OTUD3: variants seen among roughly 807,000 people sequenced by gnomAD.
OTUD3 encodes OTU deubiquitinase 3, also known as OTU domain-containing protein 3.
A neutral mutation model predicts 46.2 loss-of-function variants in OTUD3; 24 were observed. The observed-to-expected ratio is 0.52, with a 90% CI of 0.38 to 0.73. OTUD3 has a LOEUF of 0.73. Among genes scored for constraint, OTUD3 ranks in the 30% least tolerant of loss-of-function variants. The pLI, the probability that OTUD3 is intolerant of heterozygous loss-of-function variation, is 0.00. For missense variants in OTUD3, 455 were observed against 523.3 expected (o/e 0.87, Z 1.27); for synonymous variants, 189 against 195.4 (o/e 0.97, Z 0.27).
chr1:19,891,737 A>C (rs2045449488), intron 2 of OTUD3, among the ~76,000 whole-genome samples: 1 of 152,220 alleles, frequency 6.6e-6, no homozygotes, highest in African/African-American at 2.4e-5. Flanking sequence ...GTGATCCCAA[A>C]GTGTTTCCCA....
rs2045279894 is a variant in OTUD3 at position 19,882,452 on chromosome 1, A to T, written c.-62A>T. 6 of 1,320,482 alleles carry T rather than the reference A, an allele frequency of 4.5e-6. No homozygotes were observed. The highest frequency in any genetic ancestry group is 2.1e-5 in the South Asian group (1 of 46,806). The allele number at this position is 1,320,482 out of a possible 1,614,324, so 81.8% of individuals were successfully genotyped here. A position where few individuals can be genotyped will look rare whatever the true frequency, so the allele number is the denominator to read the frequency against. On this transcript the variant is annotated 5_prime_UTR_variant, in exon 1 of 8. Transcript: ENST00000375120. Reference sequence around the variant, plus strand: ...CGCTGTTTTACCTTCCCAACGCTTGAGGCGGACGCTGGGGGGTCCTGCGCC... The same window carrying T: ...CGCTGTTTTACCTTCCCAACGCTTGTGGCGGACGCTGGGGGGTCCTGCGCC...
chr1:19,890,312 C>A, intron 1 of OTUD3, 73 bp from the exon 2 acceptor site: 1 of 1,384,076 alleles, frequency 7.2e-7, no homozygotes, highest in Non-Finnish European at 1.0e-6. Context: ...GATGATCTGG[C>A]ATGAAGCATC....
At chr1:19,897,168 C>G (rs117799490) in intron 3 of OTUD3, among the ~76,000 whole-genome samples, 2 of 151,962 alleles carry the variant, frequency 1.3e-5, no homozygotes, top group Non-Finnish European at 2.9e-5. Flanking sequence ...ATAGTTAGGG[C>G]TTCAAGCTCA....
chr1:19,897,142 CA>C (rs2045527930), intron 3 of OTUD3, among the ~76,000 whole-genome samples: 2 of 151,354 alleles, frequency 1.3e-5, no homozygotes, highest in Non-Finnish European at 2.9e-5. Flanking sequence ...TTTTTTTCCT[CA>C]AAGAGAGCCT....
rs2045702439 is a variant in OTUD3 at position 19,909,094 on chromosome 1, A to G, written c.*1348A>G. 1.3e-5 allele frequency: 2 copies of G among 152,376 alleles called. No homozygotes were observed. The highest frequency in any genetic ancestry group is 2.9e-5 in the Non-Finnish European group (2 of 68,042). 9.4% of individuals were successfully genotyped at this position (152,376 alleles called of 1,614,324 possible). On this transcript the variant is annotated 3_prime_UTR_variant, in exon 8 of 8. Transcript: ENST00000375120. ...GTCTTTTGGGACCTAATACTTGGGC[A>G]AATAATTGATGCTGAGTTGAAAGGT...
intron 6 of OTUD3, among the ~76,000 whole-genome samples, 180 bp downstream of exon 6, chr1:19,905,167 G>T (rs1001989862): frequency 1.3e-5 from 2 of 152,106 alleles, no homozygotes; most frequent in African/African-American, 4.8e-5. Context: ...TTCAGGGGGA[G>T]TATAGTTCAG....
In OTUD3 at chr1:19,887,209, T is replaced by G. The variant is rs540731868; in HGVS notation, c.222-3176T>G. Among the ~76,000 whole-genome samples, 527 of 152,046 alleles carry G rather than the reference T, an allele frequency of 3.5e-3. 5 individuals carry two copies. The highest frequency in any genetic ancestry group is 0.014 in the Middle Eastern group (4 of 294). On this transcript the variant is annotated intron_variant, in intron 1 of 7. Transcript: ENST00000375120. ...AAGCGATTCTCCTGCCTCGGCCTCC[T>G]GTGTAGCTGGGATTACAGGCATGCG...
rs2045721740 is a variant in OTUD3 at position 19,910,575 on chromosome 1, C to G, written c.*2829C>G. 1 of 152,314 alleles carries G rather than the reference C, an allele frequency of 6.6e-6. No homozygotes were observed. Among genetic ancestry groups the G allele is most frequent in the South Asian group, 2.1e-4 (1 of 4,820 alleles). 9.4% of individuals were successfully genotyped at this position (152,314 alleles called of 1,614,324 possible). A position where few individuals can be genotyped will look rare whatever the true frequency, so the allele number is the denominator to read the frequency against. On this transcript the variant is annotated 3_prime_UTR_variant, in exon 8 of 8. Transcript: ENST00000375120. ...TTCAATAATAATGAACATACACTTT[C>G]AGGAGCAAAGTATGGTTGAGAAATT... is the stretch of plus-strand genomic sequence containing the variant.
chr1:19,887,809 AACTAGAATGGT>A (rs149215967), intron 1 of OTUD3, among the ~76,000 whole-genome samples: 1 of 152,320 alleles, frequency 6.6e-6, no homozygotes, highest in East Asian at 1.9e-4. Flanking sequence ...AAAATACAGT[AACTAGAATGGT>A]ACCCAGTACC....
At chr1:19,890,890 TTTTG>T (rs533481057) in intron 2 of OTUD3, among the ~76,000 whole-genome samples, 282 of 152,340 alleles carry the variant, frequency 1.9e-3, no homozygotes, top group Admixed American at 4.3e-3. Context: ...GATACTAACA[TTTTG>T]TTTGTTAATT....
At chr1:19,892,469 G>A (rs532938762) in intron 2 of OTUD3, among the ~76,000 whole-genome samples, 215 of 152,246 alleles carry the variant, frequency 1.4e-3, no homozygotes, top group Middle Eastern at 0.014. Context: ...TAAATGAATG[G>A]TTCACTATAC....
chr1:19,895,021 C>T (rs1049313024), intron 3 of OTUD3, among the ~76,000 whole-genome samples: 2 of 152,138 alleles, frequency 1.3e-5, no homozygotes, highest in African/African-American at 4.8e-5. Context: ...GAGGTTATTG[C>T]TGTTAATGTT....
intron 5 of OTUD3, 114 bp downstream of exon 5, chr1:19,904,512 G>T (rs2045632247): frequency 1.1e-6 from 1 of 900,196 alleles, no homozygotes; most frequent in South Asian, 1.7e-5. Flanking sequence ...GCCAAAATAG[G>T]CCCATGAGAT....
At chr1:19,888,067 G>C (rs2045394221) in intron 1 of OTUD3, among the ~76,000 whole-genome samples, 1 of 152,196 alleles carries the variant, frequency 6.6e-6, no homozygotes, top group Non-Finnish European at 1.5e-5. Flanking sequence ...AAGCAGGGAT[G>C]ATTTTGCCCT....
rs1168740408 is a variant in OTUD3, at chr1:19,912,191, T to G, written c.*4445T>G. On this transcript the variant is annotated 3_prime_UTR_variant, in exon 8 of 8. Coordinates refer to ENST00000375120, the MANE Select transcript of OTUD3 (RefSeq NM_015207.2). ...GCCAGTCCTTGCGGCTGGCGGCGAT[T>G]GCCGGACAGACTCTCTGTGGCCTGG... The G allele has an allele frequency of 6.6e-6, 1 of 152,380 alleles. No homozygotes were observed. Among genetic ancestry groups the G allele is most frequent in the Non-Finnish European group, 1.5e-5 (1 of 68,066 alleles). 9.4% of individuals were successfully genotyped at this position (152,380 alleles called of 1,614,324 possible). A position where few individuals can be genotyped will look rare whatever the true frequency, so the allele number is the denominator to read the frequency against.
intron 4 of OTUD3, among the ~76,000 whole-genome samples, chr1:19,898,203 C>T (rs1036390710): frequency 2.6e-5 from 4 of 151,944 alleles, no homozygotes; most frequent in Non-Finnish European, 4.4e-5. Context: ...CCACCTTGGC[C>T]TCCCAAACTG....
chr1:19,912,841 G>T lies in OTUD3; in HGVS notation c.*5095G>T, dbSNP rs566510886. The T allele has an allele frequency of 2.0e-5, 3 of 152,166 alleles. No homozygotes were observed. The highest frequency in any genetic ancestry group is 2.1e-4 in the South Asian group (1 of 4,814). The allele number at this position is 152,166 out of a possible 1,614,324, so 9.4% of individuals were successfully genotyped here. On this transcript the variant is annotated 3_prime_UTR_variant, in exon 8 of 8. Coordinates refer to ENST00000375120, the MANE Select transcript of OTUD3 (RefSeq NM_015207.2). ...TTCAAAACCAAATGTTTCTTTTTTT[G>T]TGTTTTTAATCTTCGATACTTGGTG...
In OTUD3 at chr1:19,902,419, A is replaced by T. The variant is rs184572551; in HGVS notation, c.607-1848A>T. 2.2e-4 allele frequency among the ~76,000 whole-genome samples: 34 copies of T among 152,196 alleles called. No individual in the cohort carries two copies. In the East Asian group the frequency reaches 6.0e-3, roughly 27 times the overall value. ...ACAGGGTTTCATCGTGTTAGCCAGG[A>T]TGGTCTCGATCTCCTGACCTCGTGA... is the stretch of plus-strand genomic sequence containing the variant. On this transcript the variant is annotated intron_variant, in intron 4 of 7. Coordinates refer to ENST00000375120, the MANE Select transcript of OTUD3 (RefSeq NM_015207.2).
At chr1:19,887,322 G>A (rs1321555347) in intron 1 of OTUD3, among the ~76,000 whole-genome samples, 5 of 152,154 alleles carry the variant, frequency 3.3e-5, no homozygotes, top group African/African-American at 1.2e-4. Context: ...GACCTCAGGT[G>A]ATCCGCCTGC....
Sources: allele counts gnomAD v4.1 joint callset (sites outside exome capture counted in the v4.1 genomes callset), GRCh38; gene constraint gnomAD v4.1.1; transcripts MANE v1.5; gene names NCBI Gene and HGNC (gene_info 2026-07-23, HGNC 2026-07-21).